The following BRINP1 variants were observed in gnomAD, a reference collection of about 807,000 sequenced individuals.
BRINP1 encodes the protein BMP/retinoic acid-inducible neural-specific protein 1.
In BRINP1, 17 loss-of-function variants were observed where a neutral mutation model predicts 72.9. The ratio of observed to expected loss-of-function variants is 0.23; its 90% CI spans 0.16 to 0.35. The LOEUF is 0.35. Ranked by LOEUF, BRINP1 falls within the 10% of genes least tolerant of loss-of-function variation. The pLI, the probability that BRINP1 is intolerant of heterozygous loss-of-function variation, is 1.00. For missense variants in BRINP1, 850 were observed against 1,001.6 expected, an observed-to-expected ratio of 0.85 and a Z score of 2.04; for synonymous variants, 418 against 378.5, an observed-to-expected ratio of 1.10 and a Z score of -1.21.
At chr9:119,329,337 C>T (rs1831274390) in intron 1 of BRINP1, among the ~76,000 whole-genome samples, 1 of 152,156 alleles carries the variant, frequency 6.6e-6, no homozygotes, top group African/African-American at 2.4e-5. Context: ...ATAGAAACTA[C>T]CATGGTTCAG....
intron 1 of BRINP1, among the ~76,000 whole-genome samples, chr9:119,322,713 C>T (rs1043185405): frequency 6.6e-6 from 1 of 152,124 alleles, no homozygotes; most frequent in African/African-American, 2.4e-5. Flanking sequence ...TGGATAATCT[C>T]ATCTAGGCTT....
intron 2 of BRINP1, among the ~76,000 whole-genome samples, chr9:119,249,854 G>GGAAA (rs1564228551): frequency 1.4e-5 from 1 of 73,548 alleles, no homozygotes; most frequent in African/African-American, 5.9e-5. Context: ...AAGGAAGGAA[G>GGAAA]GGAGGGAGGG....
intron 2 of BRINP1, among the ~76,000 whole-genome samples, chr9:119,307,422 G>A (rs112739195): frequency 6.6e-6 from 1 of 152,056 alleles, no homozygotes; most frequent in Non-Finnish European, 1.5e-5. Context: ...CCTCTATTGA[G>A]GTTTGTATAT....
At chr9:119,272,655 G>A (rs561985498) in intron 2 of BRINP1, among the ~76,000 whole-genome samples, 1 of 152,256 alleles carries the variant, frequency 6.6e-6, no homozygotes, top group South Asian at 2.1e-4. Flanking sequence ...TGTGTGTGTT[G>A]AGCTTGCTAC....
intron 7 of BRINP1, 40 bp downstream of exon 7, chr9:119,208,679 G>C: frequency 6.3e-7 from 1 of 1,579,496 alleles, no homozygotes; most frequent in East Asian, 2.2e-5. Context: ...GCTAACGCCA[G>C]GTAGGTGCCT....
chr9:119,192,884 G>C (rs1829696589), intron 7 of BRINP1, among the ~76,000 whole-genome samples: 1 of 151,984 alleles, frequency 6.6e-6, no homozygotes, highest in East Asian at 1.9e-4. Flanking sequence ...AGAAAATGTG[G>C]TACACAGTTG....
rs746853848 is a variant in BRINP1, at chr9:119,208,875, T to A, written c.989A>T (p.Gln330Leu). 1 of 1,614,176 alleles carries A rather than the reference T, an allele frequency of 6.2e-7. No individual in the cohort carries two copies. Among genetic ancestry groups the A allele is most frequent in the Non-Finnish European group, 8.5e-7 (1 of 1,180,024 alleles). The change falls in exon 7 of 8, where the codon CAG (glutamine) becomes CTG (leucine). Residue 330 changes from glutamine (Q) to leucine (L), a missense_variant. Physicochemically the swap from Gln to Leu is moderately radical, Grantham distance 113. Transcript: ENST00000265922. ...CAGGTCCCAGTCATTGCCCCAGTGCTGATGGATGCTTCCGATGGTCAGGAA... is the reference window on the plus strand; with the variant it reads ...CAGGTCCCAGTCATTGCCCCAGTGCAGATGGATGCTTCCGATGGTCAGGAA... ...NHFLTIGSIH[Q>L]HWGNDWDLQN...
intron 2 of BRINP1, among the ~76,000 whole-genome samples, chr9:119,283,463 C>A (rs1247195744): frequency 6.6e-6 from 1 of 152,216 alleles, no homozygotes; most frequent in Non-Finnish European, 1.5e-5. Flanking sequence ...ACGGACACAA[C>A]TTTGCCCTAA....
intron 1 of BRINP1, among the ~76,000 whole-genome samples, chr9:119,316,332 C>A (rs969967722): frequency 6.6e-6 from 1 of 152,202 alleles, no homozygotes; most frequent in African/African-American, 2.4e-5. Flanking sequence ...AAGTGATCTG[C>A]CCGCCTCAGC....
chr9:119,219,089 T>C (rs1273751162), intron 5 of BRINP1, among the ~76,000 whole-genome samples: 4 of 152,112 alleles, frequency 2.6e-5, no homozygotes, highest in African/African-American at 9.7e-5. Context: ...CCAGACACCA[T>C]ATCTGCTGGT....
At chr9:119,358,625 C>T (rs751418004) in intron 1 of BRINP1, among the ~76,000 whole-genome samples, 3 of 151,914 alleles carry the variant, frequency 2.0e-5, no homozygotes, top group Admixed American at 6.6e-5. Flanking sequence ...ATCCGGAAGG[C>T]GGAGGTTGCA....
At chr9:119,293,928 A>G (rs998875215) in intron 2 of BRINP1, among the ~76,000 whole-genome samples, 1 of 152,210 alleles carries the variant, frequency 6.6e-6, no homozygotes, top group South Asian at 2.1e-4. Context: ...AAAATTAAAT[A>G]CATAAAAGTA....
chr9:119,207,276 G>A (rs1386705898), intron 7 of BRINP1, among the ~76,000 whole-genome samples: 2 of 152,182 alleles, frequency 1.3e-5, no homozygotes, highest in African/African-American at 2.4e-5. Flanking sequence ...GAAGACTGCC[G>A]TTGTTAAATG....
chr9:119,193,142 T>C (rs1328319181), intron 7 of BRINP1, among the ~76,000 whole-genome samples: 2 of 152,162 alleles, frequency 1.3e-5, no homozygotes, highest in Non-Finnish European at 2.9e-5. Context: ...TGTTATTTTA[T>C]TAAAATTTTT....
At position 119,260,250 on chromosome 9, in the gene BRINP1, C is replaced by T. The variant is rs114382880; in HGVS notation, c.219-11100G>A. 2.8e-3 allele frequency among the ~76,000 whole-genome samples: 427 copies of T among 152,312 alleles called. 2 individuals are homozygous for T. The highest frequency in any genetic ancestry group is 9.8e-3 in the African/African-American group (407 of 41,566). On this transcript the variant is annotated intron_variant, in intron 2 of 7. Coordinates refer to ENST00000265922, the MANE Select transcript of BRINP1 (RefSeq NM_014618.3). ...CAAAGACCAAATGTGTCCCACTGTCCATTTTGCAAATAAATTTTTATTGGA... is the reference window on the plus strand; with the variant it reads ...CAAAGACCAAATGTGTCCCACTGTCTATTTTGCAAATAAATTTTTATTGGA...
rs144403768 is a variant in BRINP1 at position 119,264,425 on chromosome 9, C to T, written c.219-15275G>A. On this transcript the variant is annotated intron_variant, in intron 2 of 7. Coordinates refer to ENST00000265922, the MANE Select transcript of BRINP1 (RefSeq NM_014618.3). The stretch of plus-strand genomic sequence containing the variant: ...TCTCAAAGTGTGAGTTGGCTCATGC[C>T]ACCTCCTCCACCTTTTTGGGAAGCA... Among the ~76,000 whole-genome samples, 45 of 152,324 alleles carry T rather than the reference C, an allele frequency of 3.0e-4. No homozygotes were observed. In the South Asian group the frequency reaches 6.2e-3, roughly 21 times the overall value.
chr9:119,365,632 T>A (rs1273858489), intron 1 of BRINP1, among the ~76,000 whole-genome samples: 1 of 152,186 alleles, frequency 6.6e-6, no homozygotes, highest in Non-Finnish European at 1.5e-5. Flanking sequence ...AATAGAGGAC[T>A]TTATGATCCA....
chr9:119,346,615 G>A (rs192014204), intron 1 of BRINP1, among the ~76,000 whole-genome samples: 2 of 151,976 alleles, frequency 1.3e-5, no homozygotes, highest in African/African-American at 2.4e-5. Context: ...AGAAAGGTAC[G>A]TACATGAAAA....
intron 1 of BRINP1, among the ~76,000 whole-genome samples, chr9:119,366,082 G>C (rs899360985): frequency 1.3e-5 from 2 of 151,944 alleles, no homozygotes; most frequent in African/African-American, 4.8e-5. Context: ...TCTTCACATG[G>C]GAGATGCTTT....
Sources: allele counts gnomAD v4.1 joint callset (sites outside exome capture counted in the v4.1 genomes callset), GRCh38; gene constraint gnomAD v4.1.1; transcripts MANE v1.5; gene names NCBI Gene and HGNC (gene_info 2026-07-23, HGNC 2026-07-21).